EIF1AX: variants seen among roughly 807,000 people sequenced by gnomAD.
The protein encoded by EIF1AX is eukaryotic translation initiation factor 1A, X-chromosomal.
A neutral mutation model predicts 16.1 loss-of-function variants in EIF1AX; 1 was observed. The ratio of observed to expected loss-of-function variants is 0.06; its 90% CI spans 0.02 to 0.30. The LOEUF (loss-of-function observed/expected upper bound fraction) is 0.30, where lower values mean the gene tolerates loss of function less well. Among genes scored for constraint, EIF1AX ranks in the 10% least tolerant of loss-of-function variants. The pLI is 1.00. For synonymous variants in EIF1AX, 32 were observed against 37.3 expected (o/e 0.86, Z 0.51); for missense variants, 11 against 109.1 (o/e 0.10, Z 4.00).
rs1765206349 is a variant in EIF1AX at position 20,127,785 on chromosome X, A to AAATC, written c.*517_*520dup. On this transcript the variant is annotated 3_prime_UTR_variant, in exon 7 of 7. Transcript: ENST00000379607. ...CGACTATGAAAAGAACATGATATCA[A>AAATC]AATCAGTATAAAAATAGCCACAGGC... 6.6e-6 allele frequency: 1 copy of AAATC among 151,343 alleles called. No individual in the cohort carries two copies. The highest frequency in any genetic ancestry group is 1.3e-5 in the Non-Finnish European group (1 of 78,250). 12.5% of individuals were successfully genotyped at this position (151,343 alleles called of 1,213,427 possible). A position where few individuals can be genotyped will look rare whatever the true frequency, so the allele number is the denominator to read the frequency against.
At position 20,124,937 on chromosome X, in the gene EIF1AX, A is replaced by G. The variant is rs1399376942; in HGVS notation, c.*3369T>C. On this transcript the variant is annotated 3_prime_UTR_variant, in exon 7 of 7. Coordinates refer to ENST00000379607, the MANE Select transcript of EIF1AX (RefSeq NM_001412.4). ...ATGGGAAATACAGAATACAGAAGAC[A>G]TGCACCTTCTATCTTACATAGTACT... 6.7e-6 allele frequency: 1 copy of G among 150,060 alleles called. No individual in the cohort carries two copies. The highest frequency in any genetic ancestry group is 3.1e-5 in the African/African-American group (1 of 32,644). The allele number at this position is 150,060 out of a possible 1,213,427, so 12.4% of individuals were successfully genotyped here. A position where few individuals can be genotyped will look rare whatever the true frequency, so the allele number is the denominator to read the frequency against.
intron 6 of EIF1AX, among the ~76,000 whole-genome samples, chrX:20,130,022 C>G (rs191710022): frequency 9.0e-6 from 1 of 111,088 alleles, no homozygotes; most frequent in African/African-American, 3.3e-5. Context: ...CAAAATAGGG[C>G]CGGGCATGGT....
rs1271292929 is a variant in EIF1AX, at chrX:20,127,917, C to A, written c.*389G>T. Reference sequence around the variant, plus strand: ...GGAATATCTAGGTAACTGGAATATACACAATGACTCTATACAATCAAGAGG... The same window carrying A: ...GGAATATCTAGGTAACTGGAATATAAACAATGACTCTATACAATCAAGAGG... On this transcript the variant is annotated 3_prime_UTR_variant, in exon 7 of 7. Transcript: ENST00000379607. 6.9e-5 allele frequency: 11 copies of A among 159,839 alleles called. No individual in the cohort carries two copies. The Admixed American group carries it at 8.8e-4, about 13-fold the overall frequency. 13.2% of individuals were successfully genotyped at this position (159,839 alleles called of 1,213,427 possible). A position where few individuals can be genotyped will look rare whatever the true frequency, so the allele number is the denominator to read the frequency against.
intron 6 of EIF1AX, 140 bp downstream of exon 6, chrX:20,130,376 A>G (rs376678338): frequency 2.2e-5 from 11 of 494,051 alleles, no homozygotes; most frequent in Admixed American, 6.5e-5. Flanking sequence ...CTTCTAAATA[A>G]TATTATTTAA....
At chrX:20,128,829 C>A (rs1247310923) in intron 6 of EIF1AX, among the ~76,000 whole-genome samples, 1 of 111,671 alleles carries the variant, frequency 9.0e-6, no homozygotes, top group Non-Finnish European at 1.9e-5. Flanking sequence ...TGGCCCAGAT[C>A]CAGAAATTTT....
chrX:20,130,629 C>T (rs1219099473), intron 5 of EIF1AX, 22 bp from the exon 6 acceptor site: 3 of 1,173,974 alleles, frequency 2.6e-6, no homozygotes, highest in Non-Finnish European at 3.4e-6. Context: ...GTAAGAAATA[C>T]TCATAAGTCA....
chrX:20,129,518 A>T (rs2066994816), intron 6 of EIF1AX, among the ~76,000 whole-genome samples: 1 of 112,664 alleles, frequency 8.9e-6, no homozygotes, highest in Admixed American at 9.4e-5. Context: ...GTAACACCCT[A>T]ATCACTAAAT....
rs373498796 is a variant in EIF1AX, at chrX:20,135,724, C to T, written c.204+14G>A. ...TAACCAATTTTATATTAAAGTAAAA[C>T]AAATCACACCTACCTTTTTTCTCAA... On this transcript the variant is annotated intron_variant, in intron 3 of 6. Transcript: ENST00000379607. 20 of 1,154,496 alleles carry T rather than the reference C, an allele frequency of 1.7e-5. No homozygotes were observed. The highest frequency in any genetic ancestry group is 6.6e-5 in the Admixed American group (3 of 45,334).
At chrX:20,133,295 G>A (rs1472225800) in intron 4 of EIF1AX, among the ~76,000 whole-genome samples, 1 of 110,841 alleles carries the variant, frequency 9.0e-6, no homozygotes, top group Non-Finnish European at 1.9e-5. Context: ...TCACCTCAGC[G>A]CTATGGATTA....
rs191927114 is a variant in EIF1AX, at chrX:20,124,886, C to T, written c.*3420G>A. On this transcript the variant is annotated 3_prime_UTR_variant, in exon 7 of 7. Coordinates refer to ENST00000379607, the MANE Select transcript of EIF1AX (RefSeq NM_001412.4). The stretch of plus-strand genomic sequence containing the variant: ...CATTCTACGTGTTCCTTCTATTGTA[C>T]GAATCAAAGACTGCACGCAAAAGAA... The T allele has an allele frequency of 7.8e-4, 116 of 148,103 alleles. No homozygotes were observed. The highest frequency in any genetic ancestry group is 1.1e-3 in the Non-Finnish European group (83 of 75,096). The allele number at this position is 148,103 out of a possible 1,213,427, so 12.2% of individuals were successfully genotyped here. A position where few individuals can be genotyped will look rare whatever the true frequency, so the allele number is the denominator to read the frequency against.
At position 20,141,770 on chromosome X, in the gene EIF1AX, C is replaced by G. The variant is rs1490398622; in HGVS notation, c.-130G>C. 2.1e-5 allele frequency: 14 copies of G among 669,641 alleles called. No homozygotes were observed. Among genetic ancestry groups the G allele is most frequent in the South Asian group, 3.6e-5 (1 of 28,167 alleles). 55.2% of individuals were successfully genotyped at this position (669,641 alleles called of 1,213,427 possible). On this transcript the variant is annotated 5_prime_UTR_variant, in exon 1 of 7. Transcript: ENST00000379607. The stretch of plus-strand genomic sequence containing the variant: ...TAGGTGCTGGAGGCCAGGCAACGTG[C>G]GCGGGAGAGGCTGGCGACCCAGCTC...
At chrX:20,135,696 C>A in intron 3 of EIF1AX, 42 bp downstream of exon 3, 1 of 1,032,429 alleles carries the variant, frequency 9.7e-7, no homozygotes, top group Non-Finnish European at 1.4e-6. Flanking sequence ...GGATTTTCCC[C>A]CTTAACCAAT....
chrX:20,134,083 GT>G, intron 3 of EIF1AX, 76 bp from the exon 4 acceptor site: 2 of 1,057,104 alleles, frequency 1.9e-6, no homozygotes, highest in Non-Finnish European at 2.6e-6. Flanking sequence ...CAATCAATTA[GT>G]TTAGAAATTA....
At chrX:20,138,442 C>G in intron 2 of EIF1AX, 97 bp downstream of exon 2, 1 of 715,555 alleles carries the variant, frequency 1.4e-6, no homozygotes, top group Non-Finnish European at 2.2e-6. Context: ...ACACTTCACC[C>G]TGGGCGATGG....
rs2066989097 is a variant in EIF1AX at position 20,127,606 on chromosome X, A to G, written c.*700T>C. The G allele has an allele frequency of 6.7e-6, 1 of 150,198 alleles. No homozygotes were observed. The highest frequency in any genetic ancestry group is 8.5e-5 in the Admixed American group (1 of 11,706). 12.4% of individuals were successfully genotyped at this position (150,198 alleles called of 1,213,427 possible). Reference sequence around the variant, plus strand: ...TAAAAGAAAAGTCAACAATTGTATCAGTACTTCCCCTGTTAAGATAACTGA... The same window carrying G: ...TAAAAGAAAAGTCAACAATTGTATCGGTACTTCCCCTGTTAAGATAACTGA... On this transcript the variant is annotated 3_prime_UTR_variant, in exon 7 of 7. Transcript: ENST00000379607.
rs1470379377 is a variant in EIF1AX, at chrX:20,124,614, A to G, written c.*3692T>C. The G allele has an allele frequency of 2.6e-5, 4 of 152,344 alleles. No individual in the cohort carries two copies. Among genetic ancestry groups the G allele is most frequent in the African/African-American group, 1.2e-4 (4 of 32,870 alleles). 12.6% of individuals were successfully genotyped at this position (152,344 alleles called of 1,213,427 possible). A position where few individuals can be genotyped will look rare whatever the true frequency, so the allele number is the denominator to read the frequency against. On this transcript the variant is annotated 3_prime_UTR_variant, in exon 7 of 7. Transcript: ENST00000379607. ...CCATATGATGGGAAAGGAAACCTCT[A>G]AATCAGTTAGTACTAATTAGCTGTC... is the stretch of plus-strand genomic sequence containing the variant.
chrX:20,130,886 C>T (rs1404674467), intron 5 of EIF1AX, among the ~76,000 whole-genome samples: 2 of 111,217 alleles, frequency 1.8e-5, no homozygotes, highest in Admixed American at 1.9e-4. Context: ...ATGGTAACAA[C>T]GTATTTCCTT....
At chrX:20,134,410 C>A (rs2148607952) in intron 3 of EIF1AX, among the ~76,000 whole-genome samples, 1 of 104,926 alleles carries the variant, frequency 9.5e-6, no homozygotes, top group African/African-American at 3.5e-5. Flanking sequence ...AAATAAACTT[C>A]TTTAAAAGAA....
At chrX:20,134,219 T>C (rs2067009010) in intron 3 of EIF1AX, among the ~76,000 whole-genome samples, 1 of 110,564 alleles carries the variant, frequency 9.0e-6, no homozygotes, top group African/African-American at 3.3e-5. Flanking sequence ...AAAACCCGTC[T>C]CTACTAAAAA....
Sources: gnomAD v4.1 joint callset for allele counts (sites outside exome capture counted in the v4.1 genomes callset) on GRCh38, gnomAD v4.1.1 for gene constraint, MANE v1.5 for transcripts, NCBI Gene and HGNC (gene_info 2026-07-23, HGNC 2026-07-21) for gene names.